The following VPS13B variants were observed in gnomAD, a reference collection of about 807,000 sequenced individuals.
VPS13B encodes the protein vacuolar protein sorting 13 homolog B.
VPS13B carries 285 observed loss-of-function variants against 426.4 expected under a neutral mutation model. That is an observed-to-expected ratio of 0.67 (90% CI 0.61 to 0.74). The LOEUF (loss-of-function observed/expected upper bound fraction) is 0.74. Ranked by LOEUF, VPS13B falls within the 30% of genes least tolerant of loss-of-function variation. The pLI is 0.00. For synonymous variants in VPS13B, 1,676 were observed against 1,676.4 expected (o/e 1.00, Z 0.01); for missense variants, 4,537 against 4,782.6 (o/e 0.95, Z 1.51).
rs771155996 is a variant in VPS13B, at chr8:99,307,923, G to A, written c.2824+32669G>A. 6.6e-4 allele frequency among the ~76,000 whole-genome samples: 100 copies of A among 151,976 alleles called. 1 individual carries two copies. The highest frequency in any genetic ancestry group is 4.9e-4 in the Non-Finnish European group (33 of 67,964). On this transcript the variant is annotated intron_variant, in intron 19 of 61. Transcript: ENST00000357162. ...TTTCCTAACTAGCACTGCTTTTGCT[G>A]TATTCCCTAGGTTTTGGTATGTTGT...
intron 23 of VPS13B, among the ~76,000 whole-genome samples, chr8:99,461,685 T>C (rs1477851591): frequency 6.6e-6 from 1 of 152,102 alleles, no homozygotes; most frequent in Non-Finnish European, 1.5e-5. Flanking sequence ...CCTTTGCAAT[T>C]CTCCTAGAAT....
chr8:99,241,136 A>G (rs1272317453), intron 17 of VPS13B: 1 of 152,260 alleles, frequency 6.6e-6, no homozygotes, highest in Non-Finnish European at 1.5e-5. Flanking sequence ...ATTTTACACC[A>G]AATAAAGTCT....
intron 16 of VPS13B, among the ~76,000 whole-genome samples, chr8:99,175,127 T>G (rs779203461): frequency 1.3e-5 from 2 of 152,206 alleles, no homozygotes; most frequent in Admixed American, 6.5e-5. Flanking sequence ...AATATATTTT[T>G]TATTTGCCAG....
chr8:99,257,823 G>A (rs1278592539), intron 17 of VPS13B, among the ~76,000 whole-genome samples: 1 of 151,236 alleles, frequency 6.6e-6, no homozygotes, highest in African/African-American at 2.4e-5. Flanking sequence ...GTGCCCAAGA[G>A]TGATGGGTTT....
At chr8:99,163,788 A>T (rs1811830353) in intron 15 of VPS13B, among the ~76,000 whole-genome samples, 1 of 151,588 alleles carries the variant, frequency 6.6e-6, no homozygotes, top group Non-Finnish European at 1.5e-5. Context: ...CTCCCTCCAC[A>T]CCTCCCTGCA....
rs1250125268 is a variant in VPS13B at position 99,456,399 on chromosome 8, C to T, written c.3446-11015C>T. Among the ~76,000 whole-genome samples the T allele has an allele frequency of 2.6e-5, 4 of 152,108 alleles. No homozygotes were observed. The East Asian group carries it at 7.7e-4, about 29-fold the overall frequency. On this transcript the variant is annotated intron_variant, in intron 23 of 61. Transcript: ENST00000357162. ...GGCCAGGTTTGTTTTGAACTCCTGA[C>T]CTCAAGTGATCTGCCCACCTTGGCC... is the stretch of plus-strand genomic sequence containing the variant.
intron 54 of VPS13B, among the ~76,000 whole-genome samples, chr8:99,841,403 T>C (rs1815675527): frequency 6.6e-6 from 1 of 152,226 alleles, no homozygotes; most frequent in Admixed American, 6.5e-5. Flanking sequence ...ATCATTTTTC[T>C]TACCCCAAGC....
intron 35 of VPS13B, among the ~76,000 whole-genome samples, chr8:99,675,204 A>G (rs1198114154): frequency 3.3e-5 from 5 of 152,084 alleles, no homozygotes; most frequent in Admixed American, 3.3e-4. Flanking sequence ...TGCTAGATAC[A>G]GTATTCTTGG....
intron 54 of VPS13B, 109 bp downstream of exon 54, chr8:99,835,847 C>T: frequency 8.7e-7 from 1 of 1,143,248 alleles, no homozygotes. Flanking sequence ...AACATCTTTT[C>T]TCTGTGTGAG....
At chr8:99,848,401 A>G (rs1044031052) in intron 54 of VPS13B, among the ~76,000 whole-genome samples, 1 of 152,078 alleles carries the variant, frequency 6.6e-6, no homozygotes, top group African/African-American at 2.4e-5. Flanking sequence ...TGCACATTGC[A>G]CTTCAAGTCC....
At chr8:99,286,729 T>C (rs868328648) in intron 19 of VPS13B, among the ~76,000 whole-genome samples, 4 of 152,304 alleles carry the variant, frequency 2.6e-5, no homozygotes, top group Middle Eastern at 6.8e-3. Flanking sequence ...GCACAAGTTA[T>C]TTCCTAAGAG....
chr8:99,376,015 C>T (rs569018128), intron 19 of VPS13B, among the ~76,000 whole-genome samples: 44 of 152,254 alleles, frequency 2.9e-4, no homozygotes, highest in East Asian at 2.5e-3. Flanking sequence ...ACTCTTATTT[C>T]GGCTCTCATT....
chr8:99,197,821 A>C (rs1228884013), intron 17 of VPS13B, among the ~76,000 whole-genome samples: 1 of 152,022 alleles, frequency 6.6e-6, no homozygotes, highest in Non-Finnish European at 1.5e-5. Context: ...TTCATCTTTT[A>C]CCTGTTGGTA....
chr8:99,663,515 T>C (rs1830324550), intron 35 of VPS13B, among the ~76,000 whole-genome samples: 1 of 152,204 alleles, frequency 6.6e-6, no homozygotes, highest in Non-Finnish European at 1.5e-5. Context: ...AAGTACCATA[T>C]TTCATTCCAT....
At chr8:99,732,055 T>C (rs1049332766) in intron 39 of VPS13B, among the ~76,000 whole-genome samples, 1 of 152,204 alleles carries the variant, frequency 6.6e-6, no homozygotes, top group African/African-American at 2.4e-5. Flanking sequence ...GACCCCCCTA[T>C]AAGCCATGAA....
intron 22 of VPS13B, among the ~76,000 whole-genome samples, chr8:99,436,762 C>A (rs1817399104): frequency 6.6e-6 from 1 of 151,986 alleles, no homozygotes; most frequent in South Asian, 2.1e-4. Flanking sequence ...TTTTTTGAGA[C>A]AGAGTCTTAG....
chr8:99,349,282 G>A (rs1468819942), intron 19 of VPS13B, among the ~76,000 whole-genome samples: 1 of 116,388 alleles, frequency 8.6e-6, no homozygotes, highest in Non-Finnish European at 1.6e-5. Flanking sequence ...GCAGTGAGCC[G>A]AGATTGCGCC....
intron 19 of VPS13B, among the ~76,000 whole-genome samples, chr8:99,301,841 G>A (rs535921619): frequency 1.3e-5 from 2 of 151,786 alleles, no homozygotes; most frequent in Non-Finnish European, 2.9e-5. Context: ...TGCCCAACCT[G>A]GTCTCAAACT....
intron 16 of VPS13B, 65 bp from the exon 17 acceptor site, chr8:99,192,811 T>C: frequency 1.3e-6 from 2 of 1,565,826 alleles, no homozygotes. Flanking sequence ...ACCTAAGTCA[T>C]TTAGTATTTT....
Sources: allele counts gnomAD v4.1 joint callset (sites outside exome capture counted in the v4.1 genomes callset), GRCh38; gene constraint gnomAD v4.1.1; transcripts MANE v1.5; gene names NCBI Gene and HGNC (gene_info 2026-07-23, HGNC 2026-07-21).